Variants in SCN2A observed in about 807,000 individuals in gnomAD.
SCN2A encodes the protein sodium channel protein type 2 subunit alpha.
A neutral mutation model predicts 188.7 loss-of-function variants in SCN2A; 20 were observed. That is an observed-to-expected ratio of 0.11 (90% CI 0.07 to 0.15). The LOEUF (loss-of-function observed/expected upper bound fraction) is 0.15, where lower values mean the gene tolerates loss of function less well. Ranked by LOEUF, SCN2A falls within the 10% of genes least tolerant of loss-of-function variation. The probability of loss-of-function intolerance (pLI) is 1.00; values close to 1 mark genes in which losing one functional copy is unlikely to be tolerated. For missense variants in SCN2A, 1,278 were observed against 2,445.0 expected, an observed-to-expected ratio of 0.52 and a Z score of 10.07; for synonymous variants, 804 against 833.1, an observed-to-expected ratio of 0.97 and a Z score of 0.60.
At chr2:165,288,348 A>C (rs1157884885) in intron 1 of SCN2A, among the ~76,000 whole-genome samples, 1 of 151,850 alleles carries the variant, frequency 6.6e-6, no homozygotes, top group African/African-American at 2.4e-5. Context: ...TTGTTACCTA[A>C]AATTCTGCTT....
intron 1 of SCN2A, among the ~76,000 whole-genome samples, chr2:165,257,711 A>C (rs149638736): frequency 6.6e-6 from 1 of 151,858 alleles, no homozygotes; most frequent in East Asian, 1.9e-4. Context: ...GCTAATTTCT[A>C]TATTTTTATA....
At chr2:165,327,220 C>G in intron 13 of SCN2A, 1 of 477,956 alleles carries the variant, frequency 2.1e-6, no homozygotes, top group South Asian at 2.1e-5. Flanking sequence ...TTGAACACCA[C>G]TTTCATACAT....
intron 11 of SCN2A, among the ~76,000 whole-genome samples, chr2:165,321,354 C>T (rs777138): frequency 0.17 from 26,568 of 152,162 alleles, 2,494 homozygotes; most frequent in South Asian, 0.27. Context: ...CTGTGTTCTT[C>T]CGAGCCCTCC....
chr2:165,313,680 G>T lies in SCN2A; in HGVS notation c.1095G>T (p.Thr365=), dbSNP rs2227900. The T allele has an allele frequency of 6.8e-6, 11 of 1,613,538 alleles. No individual in the cohort carries two copies. The East Asian group carries it at 2.2e-4, about 33-fold the overall frequency. ...GTAGAAACCCCAACTATGGCTACAC[G>T]AGCTTTGACACCTTTAGTTGGGCCT... The part of the protein sequence containing the change: ...KAGRNPNYGY[T]SFDTFSWAFL... The change falls in exon 9 of 27, where the codon ACG becomes ACT. Residue 365 remains threonine, a synonymous_variant. Coordinates refer to ENST00000375437, the MANE Select transcript of SCN2A (RefSeq NM_001040142.2).
At chr2:165,296,963 T>G in intron 2 of SCN2A, 54 bp from the exon 3 acceptor site, 1 of 922,106 alleles carries the variant, frequency 1.1e-6, no homozygotes, top group Non-Finnish European at 1.7e-6. Context: ...TCTCTTAAAA[T>G]ATTCTTAATA....
chr2:165,315,871 T>A, intron 11 of SCN2A, 113 bp downstream of exon 11: 1 of 1,185,660 alleles, frequency 8.4e-7, no homozygotes, highest in Non-Finnish European at 1.2e-6. Context: ...GCTTTCAGAG[T>A]AGTGATGATT....
intron 21 of SCN2A, among the ~76,000 whole-genome samples, chr2:165,373,924 T>C (rs1326808437): frequency 6.6e-6 from 1 of 152,046 alleles, no homozygotes; most frequent in Non-Finnish European, 1.5e-5. Context: ...TAGAAAATGA[T>C]GATGCCTTGT....
intron 10 of SCN2A, 93 bp downstream of exon 10, chr2:165,314,201 A>C (rs1419378735): frequency 1.7e-5 from 22 of 1,282,086 alleles, no homozygotes; most frequent in Non-Finnish European, 2.4e-5. Context: ...TGACATTAGA[A>C]ATAGGTCATA....
chr2:165,369,250 G>C (rs1700897259), intron 19 of SCN2A, among the ~76,000 whole-genome samples: 1 of 152,130 alleles, frequency 6.6e-6, no homozygotes, highest in African/African-American at 2.4e-5. Flanking sequence ...CTAAAGCCAA[G>C]TAGAGAGAGA....
chr2:165,277,939 G>T (rs79139406), intron 1 of SCN2A, among the ~76,000 whole-genome samples: 7,747 of 152,256 alleles, frequency 0.051, 227 homozygotes, highest in Middle Eastern at 0.18. Context: ...ACAAAGAGGA[G>T]TACATCATAA....
At chr2:165,287,597 A>G (rs556592020) in intron 1 of SCN2A, among the ~76,000 whole-genome samples, 41 of 151,742 alleles carry the variant, frequency 2.7e-4, no homozygotes, top group African/African-American at 9.2e-4. Flanking sequence ...TTTAGTAACC[A>G]CCTGACCGTC....
chr2:165,246,030 C>T (rs12468801), intron 1 of SCN2A, among the ~76,000 whole-genome samples: 16,877 of 152,036 alleles, frequency 0.11, 1,349 homozygotes, highest in East Asian at 0.37. Context: ...CCTGACTTCC[C>T]AGGGAATTCA....
intron 16 of SCN2A, among the ~76,000 whole-genome samples, chr2:165,349,198 G>T (rs73969372): frequency 1.3e-5 from 2 of 152,166 alleles, no homozygotes; most frequent in Non-Finnish European, 2.9e-5. Flanking sequence ...AAAAGAAAAC[G>T]CAGAGAACAG....
At position 165,354,642 on chromosome 2, in the gene SCN2A, A is replaced by G. The variant is rs777414804; in HGVS notation, c.3370A>G (p.Ser1124Gly). The G allele has an allele frequency of 6.2e-7, 1 of 1,613,926 alleles. No homozygotes were observed. The highest frequency in any genetic ancestry group is 1.1e-5 in the South Asian group (1 of 91,074). ...FENLNTEEFS[S>G]ESDMEESKEK... ...AAATTTAAATACTGAAGAATTCAGC[A>G]GCGAGTCAGATATGGAGGAAAGCAA... The change falls in exon 17 of 27, where the codon AGC (serine) becomes GGC (glycine). Residue 1124 changes from serine to glycine, a missense_variant. This residue lies in a region of SCN2A where 228 missense variants were observed against 297.3 expected (regional missense o/e 0.77). Coordinates refer to ENST00000375437, the MANE Select transcript of SCN2A (RefSeq NM_001040142.2).
intron 1 of SCN2A, among the ~76,000 whole-genome samples, chr2:165,252,615 C>CA (rs145160306): frequency 4.6e-5 from 7 of 151,038 alleles, no homozygotes; most frequent in South Asian, 2.1e-4. Context: ...GGGATTGTGA[C>CA]AAAAAAAAGG....
chr2:165,243,433 T>C (rs1693707040), intron 1 of SCN2A, among the ~76,000 whole-genome samples: 1 of 151,926 alleles, frequency 6.6e-6, no homozygotes, highest in South Asian at 2.1e-4. Context: ...TGAAACCCTG[T>C]CTCTACTAAA....
intron 1 of SCN2A, among the ~76,000 whole-genome samples, chr2:165,278,252 C>T (rs1574487771): frequency 1.3e-5 from 2 of 152,102 alleles, no homozygotes; most frequent in African/African-American, 4.8e-5. Flanking sequence ...TATATTAGTC[C>T]ATTTTCTTGC....
intron 25 of SCN2A, among the ~76,000 whole-genome samples, chr2:165,382,014 C>T (rs1018683241): frequency 2.0e-5 from 3 of 151,992 alleles, no homozygotes; most frequent in Non-Finnish European, 4.4e-5. Context: ...CGGCCAATAA[C>T]TCAAAGAAAA....
At chr2:165,330,260 G>C (rs1030515009) in intron 13 of SCN2A, among the ~76,000 whole-genome samples, 1 of 152,100 alleles carries the variant, frequency 6.6e-6, no homozygotes, top group Non-Finnish European at 1.5e-5. Flanking sequence ...GCCACATTTT[G>C]GCAGAACAGG....
Sources: allele counts gnomAD v4.1 joint callset (sites outside exome capture counted in the v4.1 genomes callset), GRCh38; gene constraint gnomAD v4.1.1; regional missense constraint gnomAD v4.1.1; transcripts MANE v1.5; gene names NCBI Gene and HGNC (gene_info 2026-07-23, HGNC 2026-07-21).